The following EVC2 variants were observed in gnomAD, a reference collection of about 807,000 sequenced individuals.
EVC2 encodes the protein EvC ciliary complex subunit 2.
A neutral mutation model predicts 149.3 loss-of-function variants in EVC2; 148 were observed. The observed-to-expected ratio is 0.99, with a 90% confidence interval of 0.87 to 1.14. EVC2 has a LOEUF of 1.14. EVC2 is among the 50% of genes most tolerant of loss of function. The pLI is 0.00. For missense variants in EVC2, 1,854 were observed against 1,627.3 expected (o/e 1.14, Z -2.40); for synonymous variants, 776 against 649.9 (o/e 1.19, Z -2.95).
chr4:5,587,621 A>G (rs1712408372), intron 16 of EVC2, among the ~76,000 whole-genome samples: 1 of 152,202 alleles, frequency 6.6e-6, no homozygotes, highest in Non-Finnish European at 1.5e-5. Context: ...ACACCGAGTT[A>G]AAGAAGGAAG....
chr4:5,667,104 T>G (rs1283314425), intron 7 of EVC2, among the ~76,000 whole-genome samples: 1 of 152,164 alleles, frequency 6.6e-6, no homozygotes, highest in East Asian at 1.9e-4. Flanking sequence ...GATATTTGAA[T>G]ACATTTCTAA....
At position 5,562,926 on chromosome 4, in the gene EVC2, G is replaced by A. The variant is rs371771308; in HGVS notation, c.3849C>T (p.Ile1283=). The A allele has an allele frequency of 1.5e-5, 25 of 1,614,006 alleles. No individual in the cohort carries two copies. The highest frequency in any genetic ancestry group is 3.3e-4 in the Middle Eastern group (2 of 6,082). Residue 1283 remains isoleucine (I), a synonymous_variant, in exon 22 of 22, where the codon ATC becomes ATT. Transcript: ENST00000344408. This position sits in a 1 kb window ranked among gnomAD's most constrained non-coding sequence, Gnocchi z 4.3. The part of the protein sequence containing the change: ...FIFRNPKEPE[I]SLHVPPRKKK... Reference sequence around the variant, plus strand: ...TTTTCCTGGGAGGAACGTGCAGTGAGATCTCTGGCTCCTTTGGATTTCTGA... The same window carrying A: ...TTTTCCTGGGAGGAACGTGCAGTGAAATCTCTGGCTCCTTTGGATTTCTGA...
At chr4:5,553,643 T>A (rs961178101) in intron 21 of EVC2, among the ~76,000 whole-genome samples, 1 of 152,208 alleles carries the variant, frequency 6.6e-6, no homozygotes, top group Non-Finnish European at 1.5e-5. Flanking sequence ...AATTAGATTA[T>A]AGTTATGATT....
chr4:5,685,012 T>C (rs147176953), intron 6 of EVC2, among the ~76,000 whole-genome samples: 9 of 152,246 alleles, frequency 5.9e-5, no homozygotes, highest in African/African-American at 1.7e-4. Flanking sequence ...AAGTCTAGTC[T>C]GTGGTACTTT....
At chr4:5,705,560 T>C (rs1229067465) in intron 1 of EVC2, among the ~76,000 whole-genome samples, 1 of 147,624 alleles carries the variant, frequency 6.8e-6, no homozygotes, top group Non-Finnish European at 1.5e-5. Flanking sequence ...GAAAACTAAA[T>C]AAACTAAAAC....
In EVC2 at chr4:5,633,297, T is replaced by C. The variant is rs919396269; in HGVS notation, c.1471-1265A>G. Among the ~76,000 whole-genome samples the C allele has an allele frequency of 6.6e-6, 1 of 152,162 alleles. No individual in the cohort carries two copies. The highest frequency in any genetic ancestry group is 1.5e-5 in the Non-Finnish European group (1 of 68,018). ...GAATGCAGCTCAGCCAAGACCCTGA[T>C]TGCCAGCCTGCAACATCCTGAGCAT... On this transcript the variant is annotated intron_variant, in intron 10 of 21. Coordinates refer to ENST00000344408, the MANE Select transcript of EVC2 (RefSeq NM_147127.5). The surrounding 1 kb of genome is among the most constrained non-coding windows in gnomAD (Gnocchi z 4.4).
chr4:5,650,265 T>C (rs757986978), intron 9 of EVC2, among the ~76,000 whole-genome samples: 6 of 152,050 alleles, frequency 3.9e-5, no homozygotes, highest in Non-Finnish European at 8.8e-5. Context: ...GGCTCAGCCC[T>C]GGAAGAGGCA....
intron 2 of EVC2, among the ~76,000 whole-genome samples, chr4:5,695,914 C>T (rs1261575334): frequency 1.3e-5 from 2 of 152,060 alleles, no homozygotes; most frequent in African/African-American, 2.4e-5. Context: ...GAGCTGGGTC[C>T]TGGATTAAAT....
rs1358384272 is a variant in EVC2, at chr4:5,568,601, C to T, written c.3400G>A (p.Val1134Met). 3.1e-6 allele frequency: 5 copies of T among 1,609,264 alleles called. No homozygotes were observed. Among genetic ancestry groups the T allele is most frequent in the Middle Eastern group, 1.7e-4 (1 of 5,778 alleles). Residue 1134 changes from valine to methionine, a missense_variant, in exon 20 of 22, where the codon GTG becomes ATG. Val to Met is a conservative substitution (Grantham distance 21). Coordinates refer to ENST00000344408, the MANE Select transcript of EVC2 (RefSeq NM_147127.5). Reference protein sequence around the residue: ...LASYLARMAMVPGATLRRLLS... With the variant: ...LASYLARMAMMPGATLRRLLS... ...AGCCGGCGAAGCGTGGCCCCGGGCA[C>T]CATGGCCATCCTCGCCAGGTACGAT...
chr4:5,687,099 A>C (rs1018561174), intron 5 of EVC2, among the ~76,000 whole-genome samples: 1 of 152,116 alleles, frequency 6.6e-6, no homozygotes, highest in Non-Finnish European at 1.5e-5. Flanking sequence ...TCTACTAAAA[A>C]TACAAAAATT....
intron 7 of EVC2, among the ~76,000 whole-genome samples, chr4:5,668,178 C>A (rs1191825069): frequency 6.6e-6 from 1 of 152,198 alleles, no homozygotes; most frequent in Non-Finnish European, 1.5e-5. Flanking sequence ...CTAGCCTATT[C>A]CTCATTCTTG....
At chr4:5,697,761 T>C (rs1304612084) in intron 1 of EVC2, 114 bp from the exon 2 acceptor site, 16 of 938,858 alleles carry the variant, frequency 1.7e-5, no homozygotes, top group South Asian at 2.8e-5. Context: ...TTTTTTTTTT[T>C]CTGAGACAGA....
chr4:5,604,923 G>A (rs927624555), intron 16 of EVC2, among the ~76,000 whole-genome samples: 6 of 150,938 alleles, frequency 4.0e-5, no homozygotes, highest in Non-Finnish European at 5.9e-5. Flanking sequence ...TGCTACCCCC[G>A]AGACAGCAAG....
At chr4:5,658,426 T>C (rs1435297912) in intron 9 of EVC2, among the ~76,000 whole-genome samples, 1 of 152,182 alleles carries the variant, frequency 6.6e-6, no homozygotes, top group African/African-American at 2.4e-5. Context: ...AAATATACCA[T>C]ATGGTTGGCA....
chr4:5,557,741 C>A (rs552820891), downstream of EVC2, among the ~76,000 whole-genome samples: 166 of 152,114 alleles, frequency 1.1e-3, no homozygotes, highest in African/African-American at 3.8e-3. Flanking sequence ...GGTTAATATT[C>A]AAAAATTGAT....
Position 5,679,104 on chromosome 4 carries a change from A to T in EVC2, c.870+2156T>A, listed in dbSNP as rs764997720. On this transcript the variant is annotated intron_variant, in intron 7 of 21. Transcript: ENST00000344408. The surrounding 1 kb of genome is among the most constrained non-coding windows in gnomAD (Gnocchi z 5.1). ...AATACACTCGTATAGGAAATGTATC[A>T]TAACTCGAGCTTGCAGGTCTGGAAG... Among the ~76,000 whole-genome samples the T allele has an allele frequency of 6.6e-6, 1 of 152,176 alleles. No individual in the cohort carries two copies. The highest frequency in any genetic ancestry group is 2.4e-5 in the African/African-American group (1 of 41,442).
chr4:5,688,214 T>C (rs1720851110), intron 5 of EVC2, among the ~76,000 whole-genome samples: 1 of 152,100 alleles, frequency 6.6e-6, no homozygotes, highest in Non-Finnish European at 1.5e-5. Context: ...TAATAGCGTG[T>C]TAAGAAGGAT....
intron 4 of EVC2, among the ~76,000 whole-genome samples, chr4:5,689,698 C>A (rs995112427): frequency 7.2e-5 from 11 of 152,156 alleles, no homozygotes; most frequent in African/African-American, 2.4e-4. Flanking sequence ...CTCCTTGGTA[C>A]TTAGTTATTT....
chr4:5,648,024 T>C (rs1717851838), intron 9 of EVC2, among the ~76,000 whole-genome samples: 1 of 152,174 alleles, frequency 6.6e-6, no homozygotes, highest in Non-Finnish European at 1.5e-5. Flanking sequence ...CTGACGTCTT[T>C]TTTTTTAATT....
Sources: allele counts gnomAD v4.1 joint callset (sites outside exome capture counted in the v4.1 genomes callset), GRCh38; gene constraint gnomAD v4.1.1; non-coding constraint Gnocchi (gnomAD v3.1); transcripts MANE v1.5; gene names NCBI Gene and HGNC (gene_info 2026-07-23, HGNC 2026-07-21).